Variants in POU6F2 observed in about 807,000 individuals in gnomAD.
POU6F2 encodes POU class 6 homeobox 2, also known as POU domain, class 6, transcription factor 2.
POU6F2 carries 31 observed loss-of-function variants against 71.3 expected under a neutral mutation model. That is an observed-to-expected ratio of 0.43 (90% CI 0.33 to 0.59). The LOEUF is 0.59. Ranked by LOEUF, POU6F2 falls within the 20% of genes least tolerant of loss-of-function variation. The pLI is 0.04. For missense variants in POU6F2, 783 were observed against 856.8 expected (o/e 0.91, Z 1.07); for synonymous variants, 347 against 355.7 (o/e 0.98, Z 0.27).
chr7:39,350,126 C>G (rs1022419597), intron 5 of POU6F2, among the ~76,000 whole-genome samples: 3 of 151,808 alleles, frequency 2.0e-5, no homozygotes, highest in African/African-American at 7.3e-5. Flanking sequence ...CGACAGGGCT[C>G]AGCCCAGCAC....
intron 4 of POU6F2, among the ~76,000 whole-genome samples, chr7:39,242,598 T>C (rs1783748343): frequency 1.3e-5 from 2 of 151,996 alleles, no homozygotes; most frequent in Non-Finnish European, 1.5e-5. Context: ...AAACGTGGGC[T>C]GGAATTAGGG....
intron 1 of POU6F2, among the ~76,000 whole-genome samples, chr7:38,987,548 T>G (rs1235594778): frequency 1.3e-5 from 2 of 152,158 alleles, no homozygotes; most frequent in Non-Finnish European, 2.9e-5. Context: ...TATTTCATAT[T>G]GTCAGACCAA....
At chr7:39,251,592 T>C (rs1400363611) in intron 4 of POU6F2, among the ~76,000 whole-genome samples, 2 of 152,184 alleles carry the variant, frequency 1.3e-5, no homozygotes, top group Non-Finnish European at 2.9e-5. Flanking sequence ...CTGGTTAGCA[T>C]AAAGATGCAT....
At chr7:39,042,647 CAACA>C (rs1345902498) in intron 1 of POU6F2, among the ~76,000 whole-genome samples, 1 of 152,028 alleles carries the variant, frequency 6.6e-6, no homozygotes, top group Non-Finnish European at 1.5e-5. Flanking sequence ...TCACATTCAT[CAACA>C]AACAGTGTAG....
chr7:39,062,268 T>A (rs1434984873), intron 1 of POU6F2, among the ~76,000 whole-genome samples: 1 of 152,084 alleles, frequency 6.6e-6, no homozygotes, highest in East Asian at 1.9e-4. Context: ...AATATTATAT[T>A]ACCATGAAAA....
At chr7:39,260,338 ACT>A (rs1784109710) in intron 4 of POU6F2, among the ~76,000 whole-genome samples, 1 of 148,034 alleles carries the variant, frequency 6.8e-6, no homozygotes, top group African/African-American at 2.5e-5. Flanking sequence ...CACACCACAC[ACT>A]CTATACACAT....
At chr7:39,101,579 G>A (rs936947132) in intron 2 of POU6F2, among the ~76,000 whole-genome samples, 2 of 151,924 alleles carry the variant, frequency 1.3e-5, no homozygotes, top group African/African-American at 4.8e-5. Context: ...GGATTAGGGT[G>A]GGGAAAGGGG....
At chr7:39,113,654 G>C (rs191104529) in intron 2 of POU6F2, among the ~76,000 whole-genome samples, 103 of 152,268 alleles carry the variant, frequency 6.8e-4, no homozygotes, top group African/African-American at 2.4e-3. Context: ...TCTTAGGTTT[G>C]TTTCTTTTTA....
chr7:39,162,903 G>T (rs971178549), intron 2 of POU6F2, among the ~76,000 whole-genome samples: 2 of 152,110 alleles, frequency 1.3e-5, no homozygotes, highest in African/African-American at 2.4e-5. Flanking sequence ...CTGTAACATG[G>T]TTTGTCATAT....
At chr7:39,039,536 C>G (rs573572589) in intron 1 of POU6F2, among the ~76,000 whole-genome samples, 1 of 151,602 alleles carries the variant, frequency 6.6e-6, no homozygotes, top group African/African-American at 2.4e-5. Flanking sequence ...TCCATAATTG[C>G]AAAAAGAAAA....
At chr7:39,249,330 C>T (rs909911458) in intron 4 of POU6F2, among the ~76,000 whole-genome samples, 4 of 152,150 alleles carry the variant, frequency 2.6e-5, no homozygotes, top group Admixed American at 2.0e-4. Flanking sequence ...AACCTGGGTT[C>T]GGCCCTGGTC....
At chr7:39,158,712 C>A in intron 2 of POU6F2, among the ~76,000 whole-genome samples, 1 of 152,262 alleles carries the variant, frequency 6.6e-6, no homozygotes, top group East Asian at 1.9e-4. Flanking sequence ...CAGGCCCCCA[C>A]CAATTGGATG....
At chr7:39,022,508 A>G (rs1388124187) in intron 1 of POU6F2, among the ~76,000 whole-genome samples, 2 of 152,070 alleles carry the variant, frequency 1.3e-5, no homozygotes, top group Non-Finnish European at 2.9e-5. Flanking sequence ...GGACACTCCT[A>G]TGGGCACAGA....
In POU6F2 at chr7:39,215,321, G is replaced by A. The variant is rs151246400; in HGVS notation, c.598+7701G>A. On this transcript the variant is annotated intron_variant, in intron 4 of 9. Transcript: ENST00000518318. ...GATCACGCCACTGGACTCCAGCCTG[G>A]GCAACAGAGTGAGACTCCATCTCAA... 7.1e-4 allele frequency among the ~76,000 whole-genome samples: 108 copies of A among 152,024 alleles called. 4 individuals are homozygous for A. In the East Asian group the frequency reaches 0.019, roughly 27 times the overall value.
intron 5 of POU6F2, among the ~76,000 whole-genome samples, chr7:39,396,852 G>A (rs569191176): frequency 5.3e-5 from 8 of 151,416 alleles, no homozygotes; most frequent in Non-Finnish European, 1.0e-4. Flanking sequence ...GTGGGGAGAT[G>A]TAGCCTCCAT....
intron 5 of POU6F2, among the ~76,000 whole-genome samples, chr7:39,347,621 A>T (rs548351157): frequency 0.011 from 1,173 of 104,276 alleles, 59 homozygotes; most frequent in Admixed American, 0.099. Context: ...CATCAATATT[A>T]TTATTACTAT....
At chr7:39,104,219 T>C (rs1791630815) in intron 2 of POU6F2, among the ~76,000 whole-genome samples, 1 of 152,250 alleles carries the variant, frequency 6.6e-6, no homozygotes, top group African/African-American at 2.4e-5. Flanking sequence ...ATAGGGTTGC[T>C]CCCATTATTT....
At chr7:39,463,579 G>A (rs1429415974) in intron 9 of POU6F2, among the ~76,000 whole-genome samples, 1 of 152,142 alleles carries the variant, frequency 6.6e-6, no homozygotes, top group Non-Finnish European at 1.5e-5. Context: ...GGTGAAAATT[G>A]TTTGTTCCCA....
intron 2 of POU6F2, among the ~76,000 whole-genome samples, chr7:39,096,398 G>C (rs1791455075): frequency 6.6e-6 from 1 of 152,086 alleles, no homozygotes; most frequent in Admixed American, 6.6e-5. Context: ...CAAAAGACAA[G>C]ATAATAAGAC....
Sources: allele counts gnomAD v4.1 joint callset (sites outside exome capture counted in the v4.1 genomes callset), GRCh38; gene constraint gnomAD v4.1.1; transcripts MANE v1.5; gene names NCBI Gene and HGNC (gene_info 2026-07-23, HGNC 2026-07-21).